ELP6: variants seen among roughly 807,000 people sequenced by gnomAD.
ELP6 encodes elongator complex protein 6.
Under a neutral mutation model 28.1 loss-of-function variants are expected in ELP6, and 23 were observed. That is an observed-to-expected ratio of 0.82 (90% confidence interval 0.59 to 1.16). ELP6 has a LOEUF of 1.16. Ranked by LOEUF, ELP6 falls within the 50% of genes most tolerant of loss-of-function variation. ELP6 has a pLI of 0.00. For synonymous variants in ELP6, 132 were observed against 135.8 expected, an observed-to-expected ratio of 0.97 and a Z score of 0.19; for missense variants, 313 against 334.6, an observed-to-expected ratio of 0.94 and a Z score of 0.50.
At chr3:47,509,410 G>C (rs905600966) in intron 3 of ELP6, among the ~76,000 whole-genome samples, 1 of 152,204 alleles carries the variant, frequency 6.6e-6, no homozygotes, top group African/African-American at 2.4e-5. Context: ...AATGTCCCAG[G>C]CTAGGTCAAG....
Position 47,513,687 on chromosome 3 carries a change from G to T in ELP6, c.-97C>A. ...AAACACACCCGACAGCCCGGCTCGC[G>T]CAAGGAAGCGCGCATGCGCAATGCC... On this transcript the variant is annotated 5_prime_UTR_variant, in exon 1 of 7. Coordinates refer to ENST00000296149, the MANE Select transcript of ELP6 (RefSeq NM_001031703.3). The T allele has an allele frequency of 6.7e-7, 1 of 1,500,618 alleles. No individual in the cohort carries two copies. Among genetic ancestry groups the T allele is most frequent in the South Asian group, 1.2e-5 (1 of 85,254 alleles). 93.0% of individuals were successfully genotyped at this position (1,500,618 alleles called of 1,614,324 possible).
At chr3:47,499,781 G>T in intron 5 of ELP6, 2 of 1,052,934 alleles carry the variant, frequency 1.9e-6, no homozygotes, top group South Asian at 2.9e-5. Context: ...TGGCCAGGCC[G>T]GGGTCTGAGT....
At chr3:47,501,629 A>AT (rs1262002881) in intron 5 of ELP6, 21 bp downstream of exon 5, 1 of 1,612,802 alleles carries the variant, frequency 6.2e-7, no homozygotes, top group Non-Finnish European at 8.5e-7. Context: ...GTGGGCGCAG[A>AT]GAAGGCAGTT....
At position 47,498,393 on chromosome 3, in the gene ELP6, C is replaced by T. The variant is rs199767528; in HGVS notation, c.565G>A (p.Glu189Lys). Reference sequence around the variant, plus strand: ...AGCAGGATGTCATTCTCCTCATCCTCCGCATCTCCACTGTCGTGCACAAGG... The same window carrying T: ...AGCAGGATGTCATTCTCCTCATCCTTCGCATCTCCACTGTCGTGCACAAGG... ...VVLVHDSGDA[E>K]DEENDILLNG... is the part of the protein sequence containing the mutation. Residue 189 changes from glutamate to lysine, a missense_variant, in exon 6 of 7, where the codon GAG becomes AAG. Physicochemically the swap from Glu to Lys is moderately conservative, Grantham distance 56. Coordinates refer to ENST00000296149, the MANE Select transcript of ELP6 (RefSeq NM_001031703.3). The T allele has an allele frequency of 2.8e-4, 454 of 1,613,632 alleles. 6 individuals carry two copies. In the South Asian group the frequency reaches 4.7e-3, roughly 17 times the overall value.
intron 1 of ELP6, 105 bp downstream of exon 1, chr3:47,513,432 C>G: frequency 6.5e-7 from 1 of 1,532,972 alleles, no homozygotes; most frequent in Non-Finnish European, 8.7e-7. Context: ...GTACCCCGTG[C>G]CGGGTCGTCG....
At position 47,496,122 on chromosome 3, in the gene ELP6, G is replaced by C; in HGVS notation, c.748C>G (p.Gln250Glu). The C allele has an allele frequency of 1.2e-6, 2 of 1,614,138 alleles. No individual in the cohort carries two copies. Among genetic ancestry groups the C allele is most frequent in the Non-Finnish European group, 1.7e-6 (2 of 1,180,034 alleles). ...GCAAAAAAGGACACGCTTTTGTCCT[G>C]TATCTTATACTGGTAAGTGAAGCTC... ...DQSFTYQYKI[Q>E]DKSVSFFAKG... The change falls in exon 7 of 7, where the codon CAG becomes GAG. Residue 250 changes from glutamine to glutamate, a missense_variant. Physicochemically the swap from Gln to Glu is conservative, Grantham distance 29. Coordinates refer to ENST00000296149, the MANE Select transcript of ELP6 (RefSeq NM_001031703.3).
chr3:47,513,483 G>C, intron 1 of ELP6, 54 bp downstream of exon 1: 2 of 1,591,696 alleles, frequency 1.3e-6, no homozygotes, highest in Non-Finnish European at 1.7e-6. Context: ...CCCGGATGCA[G>C]TATTCCGCTG....
rs536227632 is a variant in ELP6 at position 47,512,449 on chromosome 3, G to A, written c.54+1088C>T. ...CGCCTGCAATCCCAGCTACTTGGGAGGCTGAATAAGGAGAATCACTTGAAC... is the reference window on the plus strand; with the variant it reads ...CGCCTGCAATCCCAGCTACTTGGGAAGCTGAATAAGGAGAATCACTTGAAC... On this transcript the variant is annotated intron_variant, in intron 1 of 6. Coordinates refer to ENST00000296149, the MANE Select transcript of ELP6 (RefSeq NM_001031703.3). 2.0e-5 allele frequency among the ~76,000 whole-genome samples: 3 copies of A among 152,348 alleles called. No homozygotes were observed. The South Asian group carries it at 6.2e-4, about 32-fold the overall frequency.
chr3:47,509,165 C>G (rs1420054210), intron 3 of ELP6, among the ~76,000 whole-genome samples: 1 of 151,230 alleles, frequency 6.6e-6, no homozygotes, highest in Non-Finnish European at 1.5e-5. Flanking sequence ...TTTTGCTATG[C>G]TGGCCAGGCT....
intron 5 of ELP6, 151 bp downstream of exon 5, chr3:47,501,499 A>G (rs1708648589): frequency 1.4e-6 from 1 of 707,056 alleles, no homozygotes; most frequent in Non-Finnish European, 2.4e-6. Context: ...AGGTAAGGGA[A>G]AACAGGGTGG....
In ELP6 at chr3:47,513,660, C is replaced by G. The variant is rs2108150871; in HGVS notation, c.-70G>C. ...TGCAGAGACGACGGAGGCTGGAGAG[C>G]AAAACACACCCGACAGCCCGGCTCG... On this transcript the variant is annotated 5_prime_UTR_variant, in exon 1 of 7. Transcript: ENST00000296149. The G allele has an allele frequency of 1.3e-6, 2 of 1,587,252 alleles. No homozygotes were observed. The highest frequency in any genetic ancestry group is 1.7e-6 in the Non-Finnish European group (2 of 1,160,608).
Position 47,513,612 on chromosome 3 carries a change from C to G in ELP6, c.-22G>C. ...ACATTCCGAGCTCCTGGGACTAGCG[C>G]TCTGGAGGAGAACCCGGAGTGCTGC... On this transcript the variant is annotated 5_prime_UTR_variant, in exon 1 of 7. Transcript: ENST00000296149. The G allele has an allele frequency of 1.2e-6, 2 of 1,613,076 alleles. No homozygotes were observed. Among genetic ancestry groups the G allele is most frequent in the African/African-American group, 2.7e-5 (2 of 75,014 alleles).
intron 1 of ELP6, chr3:47,511,573 C>G: frequency 1.3e-6 from 1 of 796,268 alleles, no homozygotes; most frequent in Non-Finnish European, 1.5e-6. Flanking sequence ...GATGCTTTTA[C>G]CATCAGACTC....
intron 6 of ELP6, chr3:47,496,797 T>C (rs1292852244): frequency 2.0e-6 from 2 of 985,096 alleles, no homozygotes; most frequent in East Asian, 1.1e-4. Flanking sequence ...CCCGGTCCCT[T>C]TGTTCTTTCT....
chr3:47,499,871 C>T, intron 5 of ELP6: 1 of 1,240,068 alleles, frequency 8.1e-7, no homozygotes, highest in Non-Finnish European at 1.0e-6. Context: ...CCAGGAGAAG[C>T]TGCAGTGGGA....
At chr3:47,508,284 C>T (rs1708906386) in intron 3 of ELP6, among the ~76,000 whole-genome samples, 1 of 152,170 alleles carries the variant, frequency 6.6e-6, no homozygotes, top group Non-Finnish European at 1.5e-5. Context: ...TGCTCTTTCG[C>T]CAAGGCTGGA....
chr3:47,496,104 AG>A lies in ELP6; in HGVS notation c.765del (p.Phe257LeufsTer29). 6.2e-7 allele frequency: 1 copy of A among 1,614,180 alleles called. No individual in the cohort carries two copies. The highest frequency in any genetic ancestry group is 1.7e-5 in the Admixed American group (1 of 60,010). ...GCAGGAGACATTCCTTTGGCAAAAAAGGACACGCTTTTGTCCTGTATCTTAT... is the reference window on the plus strand; with the variant it reads ...GCAGGAGACATTCCTTTGGCAAAAAAGACACGCTTTTGTCCTGTATCTTAT... ...YQYKIQDKSV[S>X]FFAKGMSPAV... On this transcript the variant is annotated frameshift_variant, in exon 7 of 7. Coordinates refer to ENST00000296149, the MANE Select transcript of ELP6 (RefSeq NM_001031703.3). LOFTEE classifies it high-confidence loss of function.
At chr3:47,498,046 C>G (rs1708529503) in intron 6 of ELP6, 2 of 982,000 alleles carry the variant, frequency 2.0e-6, no homozygotes, top group African/African-American at 3.5e-5. Flanking sequence ...GCTGTCTCCT[C>G]TTTAAGAGTG....
rs1200286824 is a variant in ELP6, at chr3:47,511,174, T to C, written c.107A>G (p.His36Arg). Residue 36 changes from histidine (H) to arginine (R), a missense_variant, in exon 2 of 7, where the codon CAC (histidine) becomes CGC (arginine). Physicochemically the swap from His to Arg is conservative, Grantham distance 29. Transcript: ENST00000296149. ...DAKTDGSFLV[H>R]HFLSFYLKAN... ...TTTGAGATAGAAGGAGAGAAAGTGG[T>C]GTACAAGGAAACTCCCATCTGTCTT... is the stretch of plus-strand genomic sequence containing the variant. The C allele has an allele frequency of 6.2e-7, 1 of 1,614,022 alleles. No individual in the cohort carries two copies. Among genetic ancestry groups the C allele is most frequent in the Non-Finnish European group, 8.5e-7 (1 of 1,179,944 alleles).
Sources: allele counts gnomAD v4.1 joint callset (sites outside exome capture counted in the v4.1 genomes callset), GRCh38; gene constraint gnomAD v4.1.1; transcripts MANE v1.5; gene names NCBI Gene and HGNC (gene_info 2026-07-23, HGNC 2026-07-21).